ADGRB3: variants seen among roughly 807,000 people sequenced by gnomAD.
The protein encoded by ADGRB3 is adhesion G protein-coupled receptor B3.
Under a neutral mutation model 193.4 loss-of-function variants are expected in ADGRB3, and 37 were observed. The observed-to-expected ratio is 0.19, with a 90% CI of 0.15 to 0.25. ADGRB3 has a LOEUF of 0.25. Among genes scored for constraint, ADGRB3 ranks in the 10% least tolerant of loss-of-function variants. ADGRB3 has a pLI of 1.00. For missense variants in ADGRB3, 1,637 were observed against 1,852.9 expected (o/e 0.88, Z 2.14); for synonymous variants, 690 against 644.2 (o/e 1.07, Z -1.08).
chr6:68,770,704 T>C (rs144905449), intron 3 of ADGRB3, among the ~76,000 whole-genome samples: 160 of 152,228 alleles, frequency 1.1e-3, no homozygotes, highest in African/African-American at 3.7e-3. Flanking sequence ...AGAAGAGTAA[T>C]TATAAATAAG....
intron 3 of ADGRB3, among the ~76,000 whole-genome samples, chr6:68,737,819 C>T (rs2127338282): frequency 6.6e-6 from 1 of 152,224 alleles, no homozygotes; most frequent in South Asian, 2.1e-4. Context: ...TGAATTCTTC[C>T]TACCGGGCAG....
chr6:68,887,511 C>G (rs1234839986), intron 3 of ADGRB3, among the ~76,000 whole-genome samples: 1 of 152,048 alleles, frequency 6.6e-6, no homozygotes, highest in African/African-American at 2.4e-5. Flanking sequence ...GACAACATAA[C>G]GAGTTTCAAC....
intron 21 of ADGRB3, among the ~76,000 whole-genome samples, chr6:69,325,745 G>T (rs1471246844): frequency 6.6e-6 from 1 of 152,172 alleles, no homozygotes; most frequent in East Asian, 1.9e-4. Flanking sequence ...AGGAACCTGG[G>T]AAATTACAAA....
At chr6:68,921,819 A>G (rs1302559880) in intron 3 of ADGRB3, among the ~76,000 whole-genome samples, 1 of 151,982 alleles carries the variant, frequency 6.6e-6, no homozygotes, top group Non-Finnish European at 1.5e-5. Context: ...AAAAAAATCT[A>G]TTAAAATTAA....
rs180711524 is a variant in ADGRB3 at position 69,172,196 on chromosome 6, A to G, written c.2481-61094A>G. ...GAGAGGAATAAATGTCTATTTGTCT[A>G]CAACCACTGTAGACACTGTGTACTT... On this transcript the variant is annotated intron_variant, in intron 17 of 31. Transcript: ENST00000370598. 8.3e-4 allele frequency among the ~76,000 whole-genome samples: 126 copies of G among 152,312 alleles called. No homozygotes were observed. The Middle Eastern group carries it at 0.01, about 12-fold the overall frequency.
At chr6:69,209,846 C>T (rs1277297395) in intron 17 of ADGRB3, among the ~76,000 whole-genome samples, 1 of 152,040 alleles carries the variant, frequency 6.6e-6, no homozygotes, top group Non-Finnish European at 1.5e-5. Flanking sequence ...AGGGATGAAT[C>T]AGGATAAATC....
At chr6:69,381,089 CT>C (rs1769938116) in intron 30 of ADGRB3, among the ~76,000 whole-genome samples, 1 of 151,728 alleles carries the variant, frequency 6.6e-6, no homozygotes, top group South Asian at 2.1e-4. Context: ...GAACCTGGTA[CT>C]GCATGAAAGT....
chr6:68,707,730 GA>G (rs1480045577), intron 3 of ADGRB3, among the ~76,000 whole-genome samples: 2 of 152,096 alleles, frequency 1.3e-5, no homozygotes, highest in African/African-American at 4.8e-5. Context: ...AATTATTTTA[GA>G]AAGAACTCCA....
intron 20 of ADGRB3, among the ~76,000 whole-genome samples, chr6:69,247,424 G>C (rs558317328): frequency 1.3e-5 from 2 of 152,208 alleles, no homozygotes; most frequent in African/African-American, 4.8e-5. Context: ...TTCCCTTTCT[G>C]TTCCCTCCTA....
chr6:69,118,637 G>A, intron 17 of ADGRB3, among the ~76,000 whole-genome samples: 1 of 151,520 alleles, frequency 6.6e-6, no homozygotes, highest in Non-Finnish European at 1.5e-5. Flanking sequence ...GTAGTAGAGG[G>A]TGTCACACTA....
At chr6:68,854,646 A>G (rs955925984) in intron 3 of ADGRB3, among the ~76,000 whole-genome samples, 1 of 152,290 alleles carries the variant, frequency 6.6e-6, no homozygotes, top group African/African-American at 2.4e-5. Context: ...GTTTGGCCAT[A>G]GAGAAAAGAA....
At position 69,333,976 on chromosome 6, in the gene ADGRB3, TAAAATAAAATA is replaced by T. The variant is rs1768785727; in HGVS notation, c.3188+972_3188+982del. Reference sequence around the variant, plus strand: ...TAAAATAAAATAAAATAAAATAAAATAAAATAAAATAAAATAAAATAAAATAAAATAAAATA... The same window carrying T: ...TAAAATAAAATAAAATAAAATAAAATAAATAAAATAAAATAAAATAAAATA... On this transcript the variant is annotated intron_variant, in intron 24 of 31. Transcript: ENST00000370598. 3.6e-5 allele frequency among the ~76,000 whole-genome samples: 3 copies of T among 83,122 alleles called. No individual in the cohort carries two copies. In the South Asian group the frequency reaches 9.3e-4, roughly 26 times the overall value. 54.5% of individuals were successfully genotyped at this position (83,122 alleles called of 152,430 possible).
At chr6:68,827,998 T>C (rs919814458) in intron 3 of ADGRB3, among the ~76,000 whole-genome samples, 1 of 152,200 alleles carries the variant, frequency 6.6e-6, no homozygotes, top group Non-Finnish European at 1.5e-5. Context: ...GATCCATCTT[T>C]ACCATTAGGA....
chr6:68,938,440 GTA>G (rs59120080), intron 5 of ADGRB3, among the ~76,000 whole-genome samples: 4,821 of 144,546 alleles, frequency 0.033, 87 homozygotes, highest in East Asian at 0.1. Context: ...ATATTTTGAG[GTA>G]TATATATATA....
At chr6:68,651,977 G>A (rs553649501) in intron 3 of ADGRB3, among the ~76,000 whole-genome samples, 1 of 152,008 alleles carries the variant, frequency 6.6e-6, no homozygotes, top group Non-Finnish European at 1.5e-5. Context: ...ACTGTGTTTT[G>A]CTTAGAACAA....
intron 8 of ADGRB3, among the ~76,000 whole-genome samples, chr6:68,957,149 T>G (rs1004557983): frequency 1.3e-5 from 2 of 152,250 alleles, no homozygotes; most frequent in Non-Finnish European, 1.5e-5. Context: ...GACCTTGATG[T>G]GTGACCTTGA....
intron 17 of ADGRB3, among the ~76,000 whole-genome samples, chr6:69,166,530 A>G (rs1412592071): frequency 3.3e-5 from 5 of 152,160 alleles, no homozygotes; most frequent in African/African-American, 1.2e-4. Context: ...ACTGATAGGT[A>G]CATTCACTCC....
chr6:68,939,766 T>C (rs189172831), intron 5 of ADGRB3, among the ~76,000 whole-genome samples: 3 of 152,288 alleles, frequency 2.0e-5, no homozygotes, highest in Admixed American at 2.0e-4. Context: ...TTTTAAAATG[T>C]AATGTTTTAA....
chr6:68,951,563 A>T (rs1003223244), intron 6 of ADGRB3, among the ~76,000 whole-genome samples: 2 of 152,114 alleles, frequency 1.3e-5, no homozygotes, highest in Non-Finnish European at 2.9e-5. Context: ...TGCCAATCAC[A>T]GACTAAATTT....
Sources: gnomAD v4.1 joint callset for allele counts (sites outside exome capture counted in the v4.1 genomes callset) on GRCh38, gnomAD v4.1.1 for gene constraint, MANE v1.5 for transcripts, NCBI Gene and HGNC (gene_info 2026-07-23, HGNC 2026-07-21) for gene names.